FYN: variants seen among roughly 807,000 people sequenced by gnomAD.
FYN encodes tyrosine-protein kinase Fyn.
In FYN, 10 loss-of-function variants were observed where a neutral mutation model predicts 70.2. The observed-to-expected ratio is 0.14, with a 90% CI of 0.09 to 0.24. FYN has a LOEUF of 0.24. FYN is among the 10% of genes least tolerant of loss of function. FYN has a pLI of 1.00. For missense variants in FYN, 319 were observed against 673.1 expected (o/e 0.47, Z 5.82); for synonymous variants, 236 against 248.6 (o/e 0.95, Z 0.48).
intron 5 of FYN, among the ~76,000 whole-genome samples, chr6:111,714,116 A>G (rs1158412942): frequency 1.3e-5 from 2 of 152,228 alleles, no homozygotes; most frequent in Non-Finnish European, 2.9e-5. Flanking sequence ...ATAAACATGG[A>G]CTGTGCTAGT....
chr6:111,849,404 C>T (rs1773621611), intron 1 of FYN, among the ~76,000 whole-genome samples: 1 of 152,228 alleles, frequency 6.6e-6, no homozygotes, highest in South Asian at 2.1e-4. Flanking sequence ...AGCTCCCCGT[C>T]ACCCCCCTGC....
chr6:111,821,872 T>C (rs979636818), intron 2 of FYN, among the ~76,000 whole-genome samples: 4 of 151,872 alleles, frequency 2.6e-5, no homozygotes, highest in African/African-American at 9.7e-5. Context: ...AACAGACACA[T>C]GAAAAAATGA....
At chr6:111,666,444 G>T (rs1798010315) in intron 13 of FYN, among the ~76,000 whole-genome samples, 1 of 152,102 alleles carries the variant, frequency 6.6e-6, no homozygotes, top group Non-Finnish European at 1.5e-5. Context: ...CTCCTCCTCT[G>T]CTGTTCTGCC....
At chr6:111,739,445 C>G (rs1158123352) in intron 3 of FYN, among the ~76,000 whole-genome samples, 3 of 152,222 alleles carry the variant, frequency 2.0e-5, no homozygotes, top group African/African-American at 7.2e-5. Flanking sequence ...TGGCAGGGTT[C>G]TGGCTCCTGC....
chr6:111,791,956 A>G (rs140299574), intron 2 of FYN, among the ~76,000 whole-genome samples: 41 of 152,334 alleles, frequency 2.7e-4, no homozygotes, highest in African/African-American at 9.1e-4. Context: ...CATAGAGAAC[A>G]CCTTCATACC....
chr6:111,789,498 G>T (rs1771529286), intron 2 of FYN, among the ~76,000 whole-genome samples: 2 of 152,086 alleles, frequency 1.3e-5, no homozygotes, highest in South Asian at 4.1e-4. Flanking sequence ...AAGGCCATGA[G>T]TACCCAGTTT....
intron 3 of FYN, among the ~76,000 whole-genome samples, chr6:111,739,595 A>G (rs1177350281): frequency 6.6e-6 from 1 of 152,154 alleles, no homozygotes; most frequent in Admixed American, 6.5e-5. Context: ...TAATGGTTTC[A>G]GTTCCACTCC....
At chr6:111,837,254 C>T (rs894935018) in intron 2 of FYN, among the ~76,000 whole-genome samples, 5 of 152,128 alleles carry the variant, frequency 3.3e-5, no homozygotes, top group African/African-American at 1.2e-4. Flanking sequence ...GTACATCAAA[C>T]TCTCTTGTAA....
chr6:111,766,986 A>C (rs1803249637), intron 3 of FYN, among the ~76,000 whole-genome samples: 1 of 152,168 alleles, frequency 6.6e-6, no homozygotes, highest in Admixed American at 6.5e-5. Flanking sequence ...TTTACACATA[A>C]AGCTGCAAAA....
chr6:111,771,744 G>A (rs1425867088), intron 3 of FYN, among the ~76,000 whole-genome samples: 1 of 152,236 alleles, frequency 6.6e-6, no homozygotes, highest in African/African-American at 2.4e-5. Flanking sequence ...CCATTGAAAA[G>A]TCGGAATGGT....
intron 3 of FYN, among the ~76,000 whole-genome samples, chr6:111,773,476 C>CCA (rs1562515179): frequency 2.2e-5 from 1 of 44,488 alleles, no homozygotes; most frequent in African/African-American, 9.8e-5. Context: ...AAAGGGAAAA[C>CCA]GAGAGGGAGA....
At position 111,694,846 on chromosome 6, in the gene FYN, T is replaced by C. The variant is rs1799505175; in HGVS notation, c.1043-142A>G. On this transcript the variant is annotated intron_variant, in intron 10 of 13. Transcript: ENST00000354650. The surrounding 1 kb of genome is among the most constrained non-coding windows in gnomAD (Gnocchi z 5.0). ...ACATGGGGGGACAAAAAGGTTTATATAAAAAAGCAGGGTAGAAAAAAGTAT... is the reference window on the plus strand; with the variant it reads ...ACATGGGGGGACAAAAAGGTTTATACAAAAAAGCAGGGTAGAAAAAAGTAT... 2 of 695,108 alleles carry C rather than the reference T, an allele frequency of 2.9e-6. No homozygotes were observed. Among genetic ancestry groups the C allele is most frequent in the African/African-American group, 1.8e-5 (1 of 55,404 alleles). 43.1% of individuals were successfully genotyped at this position (695,108 alleles called of 1,614,324 possible).
intron 3 of FYN, among the ~76,000 whole-genome samples, chr6:111,773,318 GAGGGGGAGGGAGAGGGAA>G (rs1175651982): frequency 0.015 from 1,475 of 95,764 alleles, 47 homozygotes; most frequent in East Asian, 0.064. Context: ...GGAAAGAGGG[GAGGGGGAGGGAGAGGGAA>G]AGGGAGAGGG....
At chr6:111,716,975 G>A (rs1441382297) in intron 4 of FYN, among the ~76,000 whole-genome samples, 1 of 151,840 alleles carries the variant, frequency 6.6e-6, no homozygotes, top group Non-Finnish European at 1.5e-5. Flanking sequence ...TAGTAGAGAC[G>A]GGGTTTCACC....
chr6:111,673,622 G>GTTTTTTTTTTTTTTTTTTT lies in FYN; in HGVS notation c.1405+858_1405+876dup, dbSNP rs71021858. Among the ~76,000 whole-genome samples, 142 of 116,544 alleles carry GTTTTTTTTTTTTTTTTTTT rather than the reference G, an allele frequency of 1.2e-3. 6 individuals are homozygous for GTTTTTTTTTTTTTTTTTTT. Among genetic ancestry groups the GTTTTTTTTTTTTTTTTTTT allele is most frequent in the Middle Eastern group, 5.2e-3 (1 of 192 alleles). 76.5% of individuals were successfully genotyped at this position (116,544 alleles called of 152,430 possible). On this transcript the variant is annotated intron_variant, in intron 13 of 13. Coordinates refer to ENST00000354650, the MANE Select transcript of FYN (RefSeq NM_002037.5). The stretch of plus-strand genomic sequence containing the variant: ...AATCGTCACTATCGTTTCTATCATT[G>GTTTTTTTTTTTTTTTTTTT]TTTTTTTTTTTTTTTTTTTCTTTAA...
chr6:111,748,046 C>T (rs1802309712), intron 3 of FYN, among the ~76,000 whole-genome samples: 1 of 152,198 alleles, frequency 6.6e-6, no homozygotes, highest in Admixed American at 6.5e-5. Flanking sequence ...AAGATGAAGA[C>T]ATAGAAAGCA....
chr6:111,734,658 G>C (rs982961558), intron 3 of FYN, among the ~76,000 whole-genome samples: 2 of 114,728 alleles, frequency 1.7e-5, no homozygotes, highest in African/African-American at 1.2e-4. Flanking sequence ...TGCTGGAGAT[G>C]AAGTTAGAAG....
chr6:111,712,746 C>T (rs1054442194), intron 5 of FYN, among the ~76,000 whole-genome samples: 3 of 152,200 alleles, frequency 2.0e-5, no homozygotes, highest in Non-Finnish European at 2.9e-5. Context: ...TTTTTAAAAA[C>T]TTCCTGTGGC....
At chr6:111,710,677 G>C (rs899142495) in intron 5 of FYN, among the ~76,000 whole-genome samples, 1 of 152,198 alleles carries the variant, frequency 6.6e-6, no homozygotes, top group Non-Finnish European at 1.5e-5. Flanking sequence ...GGCTGGTACA[G>C]ACTCAAAATA....
Sources: gnomAD v4.1 joint callset for allele counts (sites outside exome capture counted in the v4.1 genomes callset) on GRCh38, gnomAD v4.1.1 for gene constraint, Gnocchi (gnomAD v3.1) non-coding constraint, MANE v1.5 for transcripts, NCBI Gene and HGNC (gene_info 2026-07-23, HGNC 2026-07-21) for gene names.